Variants in ID1 observed in about 807,000 individuals in gnomAD.
The protein encoded by ID1 is DNA-binding protein inhibitor ID-1.
ID1 carries 8 observed loss-of-function variants against 11.3 expected under a neutral mutation model. That is an observed-to-expected ratio of 0.71 (90% CI 0.42 to 1.28). The LOEUF (loss-of-function observed/expected upper bound fraction) is 1.28, where lower values mean the gene tolerates loss of function less well. ID1 is among the 50% of genes most tolerant of loss of function. The probability of loss-of-function intolerance (pLI) is 0.01; values close to 1 mark genes in which losing one functional copy is unlikely to be tolerated. For missense variants in ID1, 347 were observed against 219.8 expected (o/e 1.58, Z -3.66); for synonymous variants, 176 against 100.2 (o/e 1.76, Z -4.52).
Position 31,606,054 on chromosome 20 carries a change from C to T in ID1, c.428C>T (p.Ala143Val), listed in dbSNP as rs768929678. ...NGEISALTAEAACVPADDRIL... is the reference protein window; with the variant it reads ...NGEISALTAEVACVPADDRIL... ...TCTCATTTCTTCTCGTTTTCACAGG[C>T]GGCATGCGTTCCTGCGGACGATCGC... Residue 143 changes from alanine (A) to valine (V), a missense_variant and splice_region_variant, in exon 2 of 2, where the codon GCG (alanine) becomes GTG (valine). Physicochemically the swap from Ala to Val is moderately conservative, Grantham distance 64. Coordinates refer to ENST00000376112, the MANE Select transcript of ID1 (RefSeq NM_002165.4). The T allele has an allele frequency of 2.5e-6, 4 of 1,611,374 alleles. No homozygotes were observed. Among genetic ancestry groups the T allele is most frequent in the African/African-American group, 2.7e-5 (2 of 74,948 alleles).
rs775435836 is a variant in ID1 at position 31,605,421 on chromosome 20, G to C, written c.34G>C (p.Ala12Pro). The change falls in exon 1 of 2, where the codon GCC (alanine) becomes CCC (proline). Residue 12 changes from alanine to proline, a missense_variant. Physicochemically the swap from Ala to Pro is conservative, Grantham distance 27 (BLOSUM62 -1). Coordinates refer to ENST00000376112, the MANE Select transcript of ID1 (RefSeq NM_002165.4). ...CGCCAGTGGCAGCACCGCCACCGCC[G>C]CCGCGGGCCCCAGCTGCGCGCTGAA... ...KVASGSTATAAAGPSCALKAG... is the reference protein window; with the variant it reads ...KVASGSTATAPAGPSCALKAG... The C allele has an allele frequency of 6.2e-7, 1 of 1,605,068 alleles. No individual in the cohort carries two copies. Among genetic ancestry groups the C allele is most frequent in the Non-Finnish European group, 8.5e-7 (1 of 1,177,906 alleles).
chr20:31,605,420 C>T lies in ID1; in HGVS notation c.33C>T (p.Ala11=), dbSNP rs1018631107. ...TCGCCAGTGGCAGCACCGCCACCGC[C>T]GCCGCGGGCCCCAGCTGCGCGCTGA... MKVASGSTAT[A]AAGPSCALKA... is the part of the protein sequence containing the mutation. Residue 11 remains alanine (A), a synonymous_variant, in exon 1 of 2, where the codon GCC becomes GCT. Transcript: ENST00000376112. The T allele has an allele frequency of 8.7e-6, 14 of 1,605,394 alleles. No homozygotes were observed. The African/African-American group carries it at 1.5e-4, about 17-fold the overall frequency.
chr20:31,605,792 G>T lies in ID1; in HGVS notation c.405G>T (p.Glu135Asp). 6.2e-7 allele frequency: 1 copy of T among 1,611,582 alleles called. No individual in the cohort carries two copies. The highest frequency in any genetic ancestry group is 8.5e-7 in the Non-Finnish European group (1 of 1,178,956). ...CTCCGCTCAGCACCCTCAACGGCGAGATCAGCGCCCTGACGGCCGAGGTGA... is the reference window on the plus strand; with the variant it reads ...CTCCGCTCAGCACCCTCAACGGCGATATCAGCGCCCTGACGGCCGAGGTGA... ...VRAPLSTLNG[E>D]ISALTAEAAC... The change falls in exon 1 of 2, where the codon GAG (glutamate) becomes GAT (aspartate). Residue 135 changes from glutamate to aspartate, a missense_variant. By Grantham distance (45) the Glu-to-Asp change is conservative (BLOSUM62 2). Coordinates refer to ENST00000376112, the MANE Select transcript of ID1 (RefSeq NM_002165.4).
Position 31,606,261 on chromosome 20 carries a change from C to T in ID1, c.*167C>T, listed in dbSNP as rs1045219956. On this transcript the variant is annotated 3_prime_UTR_variant, in exon 2 of 2. Transcript: ENST00000376112. ...CCAGCCTGGGGCTGAGGCTGAGGCA[C>T]TGGCGAGGAGAGGGCGCTCCTCTCT... The T allele has an allele frequency of 5.7e-6, 4 of 702,926 alleles. No homozygotes were observed. Among genetic ancestry groups the T allele is most frequent in the Non-Finnish European group, 9.9e-6 (4 of 403,248 alleles). The allele number at this position is 702,926 out of a possible 1,614,324, so 43.5% of individuals were successfully genotyped here.
chr20:31,605,341 C>T lies in ID1; in HGVS notation c.-47C>T, dbSNP rs777485214. On this transcript the variant is annotated 5_prime_UTR_variant, in exon 1 of 2. Transcript: ENST00000376112. ...CCGTATCTGCTTCGGGCTTCCACCT[C>T]ATTTTTTTCGCTTTGCCCATTCTGT... The T allele has an allele frequency of 9.1e-6, 14 of 1,540,454 alleles. No homozygotes were observed. The Admixed American group carries it at 2.1e-4, about 23-fold the overall frequency.
Position 31,606,100 on chromosome 20 carries a change from C to T in ID1, c.*6C>T, listed in dbSNP as rs200894288. On this transcript the variant is annotated 3_prime_UTR_variant, in exon 2 of 2. Coordinates refer to ENST00000376112, the MANE Select transcript of ID1 (RefSeq NM_002165.4). ...ATCGCATCTTGTGTCGCTGAAGCGC[C>T]TCCCCCAGGGACCGGCGGACCCCAG... 30 of 1,608,314 alleles carry T rather than the reference C, an allele frequency of 1.9e-5. No homozygotes were observed. In the Middle Eastern group the frequency reaches 4.9e-4, roughly 26 times the overall value.
At position 31,606,083 on chromosome 20, in the gene ID1, T is replaced by A; in HGVS notation, c.457T>A (p.Leu153Met). 5.6e-6 allele frequency: 9 copies of A among 1,609,230 alleles called. No homozygotes were observed. Among genetic ancestry groups the A allele is most frequent in the Non-Finnish European group, 7.6e-6 (9 of 1,179,974 alleles). ...AACVPADDRI[L>M]CR The stretch of plus-strand genomic sequence containing the variant: ...ATGCGTTCCTGCGGACGATCGCATC[T>A]TGTGTCGCTGAAGCGCCTCCCCCAG... The change falls in exon 2 of 2, where the codon TTG becomes ATG. Residue 153 changes from leucine (L) to methionine (M), a missense_variant. Transcript: ENST00000376112.
In ID1 at chr20:31,606,333, G is replaced by A. The variant is rs938519872; in HGVS notation, c.*239G>A. 1.8e-6 allele frequency: 1 copy of A among 563,496 alleles called. No individual in the cohort carries two copies. The highest frequency in any genetic ancestry group is 3.2e-6 in the Non-Finnish European group (1 of 310,280). The allele number at this position is 563,496 out of a possible 1,614,324, so 34.9% of individuals were successfully genotyped here. On this transcript the variant is annotated 3_prime_UTR_variant, in exon 2 of 2. Coordinates refer to ENST00000376112, the MANE Select transcript of ID1 (RefSeq NM_002165.4). Reference sequence around the variant, plus strand: ...GACTTTAGGGGGTGGGATTCCACTCGTGTGTTTCTATTTTTTGAAAAGCAG... The same window carrying A: ...GACTTTAGGGGGTGGGATTCCACTCATGTGTTTCTATTTTTTGAAAAGCAG...
At chr20:31,605,925 A>G (rs1387271843) in intron 1 of ID1, 112 bp downstream of exon 1, 23 of 1,586,144 alleles carry the variant, frequency 1.5e-5, no homozygotes, top group East Asian at 4.6e-5. Flanking sequence ...GTACCTGGCT[A>G]TGCGGGGGTG....
rs1245815089 is a variant in ID1, at chr20:31,606,183, C to G, written c.*89C>G. 10 of 1,367,524 alleles carry G rather than the reference C, an allele frequency of 7.3e-6. 1 individual carries two copies. The Admixed American group carries it at 1.1e-4, about 15-fold the overall frequency. The allele number at this position is 1,367,524 out of a possible 1,614,324, so 84.7% of individuals were successfully genotyped here. On this transcript the variant is annotated 3_prime_UTR_variant, in exon 2 of 2. Transcript: ENST00000376112. The stretch of plus-strand genomic sequence containing the variant: ...GTGGGTCTCCCCCAACGCGCCTCGC[C>G]GGATCTGAGGGAGAACAAGACCGAT...
chr20:31,605,899 C>T (rs896124141), intron 1 of ID1, 86 bp downstream of exon 1: 46 of 1,583,622 alleles, frequency 2.9e-5, no homozygotes, highest in Middle Eastern at 3.3e-4. Context: ...GCACCACTTC[C>T]GTCCCATCCT....
At position 31,605,734 on chromosome 20, in the gene ID1, G is replaced by A. The variant is rs757240465; in HGVS notation, c.347G>A (p.Gly116Glu). 1.6e-5 allele frequency: 25 copies of A among 1,610,934 alleles called. No individual in the cohort carries two copies. Among genetic ancestry groups the A allele is most frequent in the Non-Finnish European group, 2.0e-5 (24 of 1,178,656 alleles). ...QLELNSESEV[G>E]TPGGRGLPVR... ...GAGCTGAACTCGGAATCCGAAGTTG[G>A]AACCCCCGGGGGCCGAGGGCTGCCG... The change falls in exon 1 of 2, where the codon GGA becomes GAA. Residue 116 changes from glycine to glutamate, a missense_variant. By Grantham distance (98) the Gly-to-Glu change is moderately conservative. Transcript: ENST00000376112.
At position 31,605,552 on chromosome 20, in the gene ID1, C is replaced by T. The variant is rs752214741; in HGVS notation, c.165C>T (p.Ala55=). The change falls in exon 1 of 2, where the codon GCC becomes GCT. Residue 55 remains alanine (A), a synonymous_variant. Transcript: ENST00000376112. ...GGGGCGCCGGGGCGCGCCTGCCTGC[C>T]CTGCTGGACGAGCAGCAGGTAAACG... ...CAGGAGARLP[A]LLDEQQVNVL... 6.4e-7 allele frequency: 1 copy of T among 1,558,400 alleles called. No homozygotes were observed. The highest frequency in any genetic ancestry group is 8.7e-7 in the Non-Finnish European group (1 of 1,149,480).
Position 31,605,439 on chromosome 20 carries a change from G to A in ID1, c.52G>A (p.Ala18Thr), listed in dbSNP as rs376161427. 31 of 1,608,510 alleles carry A rather than the reference G, an allele frequency of 1.9e-5. No individual in the cohort carries two copies. Among genetic ancestry groups the A allele is most frequent in the Non-Finnish European group, 2.5e-5 (30 of 1,178,464 alleles). ...CACCGCCGCCGCGGGCCCCAGCTGC[G>A]CGCTGAAGGCCGGCAAGACAGCGAG... ...TATAAAGPSC[A>T]LKAGKTASGA... The change falls in exon 1 of 2, where the codon GCG becomes ACG. Residue 18 changes from alanine (A) to threonine (T), a missense_variant. Ala to Thr is a moderately conservative substitution (Grantham distance 58, BLOSUM62 0). Coordinates refer to ENST00000376112, the MANE Select transcript of ID1 (RefSeq NM_002165.4).
rs1416086334 is a variant in ID1 at position 31,605,786 on chromosome 20, C to T, written c.399C>T (p.Asn133=). ...LPVRAPLSTL[N]GEISALTAEA... ...TCCGGGCTCCGCTCAGCACCCTCAA[C>T]GGCGAGATCAGCGCCCTGACGGCCG... The change falls in exon 1 of 2, where the codon AAC becomes AAT. Residue 133 remains asparagine (N), a synonymous_variant. Coordinates refer to ENST00000376112, the MANE Select transcript of ID1 (RefSeq NM_002165.4). 3.1e-6 allele frequency: 5 copies of T among 1,611,230 alleles called. No homozygotes were observed. The highest frequency in any genetic ancestry group is 2.2e-5 in the East Asian group (1 of 44,738).
In ID1 at chr20:31,605,442, C is replaced by T. The variant is rs6087680; in HGVS notation, c.55C>T (p.Leu19=). ...CGCCGCCGCGGGCCCCAGCTGCGCG[C>T]TGAAGGCCGGCAAGACAGCGAGCGG... ...ATAAAGPSCA[L]KAGKTASGAG... Residue 19 remains leucine, a synonymous_variant, in exon 1 of 2, where the codon CTG becomes TTG. Coordinates refer to ENST00000376112, the MANE Select transcript of ID1 (RefSeq NM_002165.4). The T allele has an allele frequency of 2.5e-6, 4 of 1,608,794 alleles. No individual in the cohort carries two copies. Among genetic ancestry groups the T allele is most frequent in the African/African-American group, 1.3e-5 (1 of 74,712 alleles).
Position 31,605,784 on chromosome 20 carries a change from A to G in ID1, c.397A>G (p.Asn133Asp). ...LPVRAPLSTL[N>D]GEISALTAEA... ...GGTCCGGGCTCCGCTCAGCACCCTC[A>G]ACGGCGAGATCAGCGCCCTGACGGC... Residue 133 changes from asparagine to aspartate, a missense_variant, in exon 1 of 2, where the codon AAC becomes GAC. Transcript: ENST00000376112. The G allele has an allele frequency of 1.9e-6, 3 of 1,611,422 alleles. No homozygotes were observed. The highest frequency in any genetic ancestry group is 2.5e-6 in the Non-Finnish European group (3 of 1,178,862).
rs1430430368 is a variant in ID1 at position 31,606,168 on chromosome 20, C to G, written c.*74C>G. The G allele has an allele frequency of 4.8e-6, 7 of 1,461,364 alleles. No homozygotes were observed. The highest frequency in any genetic ancestry group is 6.7e-6 in the Non-Finnish European group (7 of 1,048,888). The allele number at this position is 1,461,364 out of a possible 1,614,324, so 90.5% of individuals were successfully genotyped here. A position where few individuals can be genotyped will look rare whatever the true frequency, so the allele number is the denominator to read the frequency against. On this transcript the variant is annotated 3_prime_UTR_variant, in exon 2 of 2. Coordinates refer to ENST00000376112, the MANE Select transcript of ID1 (RefSeq NM_002165.4). ...GGAATTACGTGCTCTGTGGGTCTCC[C>G]CCAACGCGCCTCGCCGGATCTGAGG... is the stretch of plus-strand genomic sequence containing the variant.
Position 31,605,763 on chromosome 20 carries a change from C to G in ID1, c.376C>G (p.Arg126Gly). 6.2e-7 allele frequency: 1 copy of G among 1,610,276 alleles called. No individual in the cohort carries two copies. The highest frequency in any genetic ancestry group is 8.5e-7 in the Non-Finnish European group (1 of 1,178,332). Residue 126 changes from arginine to glycine, a missense_variant, in exon 1 of 2, where the codon CGG (arginine) becomes GGG (glycine). Physicochemically the swap from Arg to Gly is moderately radical, Grantham distance 125. Coordinates refer to ENST00000376112, the MANE Select transcript of ID1 (RefSeq NM_002165.4). ...GTPGGRGLPV[R>G]APLSTLNGEI... Reference sequence around the variant, plus strand: ...CCCCGGGGGCCGAGGGCTGCCGGTCCGGGCTCCGCTCAGCACCCTCAACGG... The same window carrying G: ...CCCCGGGGGCCGAGGGCTGCCGGTCGGGGCTCCGCTCAGCACCCTCAACGG...
Sources: gnomAD v4.1 joint callset for allele counts on GRCh38, gnomAD v4.1.1 for gene constraint, MANE v1.5 for transcripts, NCBI Gene and HGNC (gene_info 2026-07-23, HGNC 2026-07-21) for gene names.